The following MAP3K5 variants were observed in gnomAD, a reference collection of about 807,000 sequenced individuals.
The protein encoded by MAP3K5 is mitogen-activated protein kinase kinase kinase 5, also known as ASK-1.
MAP3K5 carries 56 observed loss-of-function variants against 158.7 expected under a neutral mutation model. That is an observed-to-expected ratio of 0.35 (90% CI 0.28 to 0.44). The LOEUF is 0.44. Among genes scored for constraint, MAP3K5 ranks in the 20% least tolerant of loss-of-function variants. MAP3K5 has a pLI of 1.00. For missense variants in MAP3K5, 1,294 were observed against 1,674.8 expected, an observed-to-expected ratio of 0.77 and a Z score of 3.97; for synonymous variants, 579 against 601.7, an observed-to-expected ratio of 0.96 and a Z score of 0.55.
intron 23 of MAP3K5, among the ~76,000 whole-genome samples, chr6:136,591,496 A>G (rs1286727848): frequency 2.0e-5 from 3 of 152,222 alleles, no homozygotes; most frequent in Non-Finnish European, 2.9e-5. Flanking sequence ...ATTTATTTCA[A>G]TGTAGAATAT....
At chr6:136,676,767 C>A (rs1199527694) in intron 7 of MAP3K5, among the ~76,000 whole-genome samples, 2 of 149,668 alleles carry the variant, frequency 1.3e-5, no homozygotes, top group Admixed American at 6.7e-5. Context: ...TGTATTTTAT[C>A]ATTTTGTTAA....
intron 7 of MAP3K5, among the ~76,000 whole-genome samples, chr6:136,684,551 T>C (rs1780064585): frequency 6.6e-6 from 1 of 152,138 alleles, no homozygotes; most frequent in African/African-American, 2.4e-5. Context: ...CTTCCTTGGA[T>C]CATCTCCAGG....
chr6:136,676,586 T>C (rs1779711116), intron 7 of MAP3K5, among the ~76,000 whole-genome samples: 1 of 152,244 alleles, frequency 6.6e-6, no homozygotes, highest in East Asian at 1.9e-4. Context: ...GAGAAATTCC[T>C]TTAATTTACT....
chr6:136,561,890 A>T (rs1830531591), intron 27 of MAP3K5, among the ~76,000 whole-genome samples: 1 of 152,248 alleles, frequency 6.6e-6, no homozygotes, highest in Non-Finnish European at 1.5e-5. Context: ...CTTTCATATC[A>T]ATTTTATGGT....
At chr6:136,598,434 T>C (rs529205993) in intron 21 of MAP3K5, among the ~76,000 whole-genome samples, 10 of 152,350 alleles carry the variant, frequency 6.6e-5, no homozygotes, top group Admixed American at 6.5e-4. Flanking sequence ...TTTTCTCCTA[T>C]AAGGTCAATG....
intron 1 of MAP3K5, among the ~76,000 whole-genome samples, chr6:136,736,316 C>A (rs183575003): frequency 1.4e-4 from 21 of 152,266 alleles, no homozygotes; most frequent in African/African-American, 4.6e-4. Flanking sequence ...AGCTCACTTT[C>A]GACACCTAAT....
At chr6:136,673,255 GC>G (rs2114547599) in intron 7 of MAP3K5, among the ~76,000 whole-genome samples, 1 of 152,258 alleles carries the variant, frequency 6.6e-6, no homozygotes, top group African/African-American at 2.4e-5. Flanking sequence ...GAAGTAATCA[GC>G]TTCTTACCCT....
intron 23 of MAP3K5, among the ~76,000 whole-genome samples, chr6:136,589,184 A>G (rs1301006156): frequency 6.6e-6 from 1 of 152,238 alleles, no homozygotes; most frequent in Non-Finnish European, 1.5e-5. Context: ...GAGAACAGGT[A>G]AACTGTTGTA....
intron 8 of MAP3K5, among the ~76,000 whole-genome samples, chr6:136,664,981 C>T (rs1583376130): frequency 6.6e-6 from 1 of 152,162 alleles, no homozygotes; most frequent in East Asian, 1.9e-4. Context: ...GTACACTTCA[C>T]AGTTATCATA....
chr6:136,695,547 T>C (rs1780567768), intron 6 of MAP3K5, among the ~76,000 whole-genome samples: 1 of 152,240 alleles, frequency 6.6e-6, no homozygotes, highest in African/African-American at 2.4e-5. Context: ...TGGTAATAAC[T>C]ATCTAACACT....
At chr6:136,788,825 C>T (rs958831438) in intron 1 of MAP3K5, among the ~76,000 whole-genome samples, 5 of 152,150 alleles carry the variant, frequency 3.3e-5, no homozygotes, top group African/African-American at 9.7e-5. Flanking sequence ...GTCCTGCCAC[C>T]GTGGAAAGTA....
At chr6:136,684,594 T>G (rs1199219888) in intron 7 of MAP3K5, among the ~76,000 whole-genome samples, 1 of 152,168 alleles carries the variant, frequency 6.6e-6, no homozygotes, top group Non-Finnish European at 1.5e-5. Flanking sequence ...ACTTGATGGC[T>G]GTTTTTTAGG....
chr6:136,605,971 G>A (rs974926323), intron 18 of MAP3K5, among the ~76,000 whole-genome samples: 9 of 152,212 alleles, frequency 5.9e-5, no homozygotes, highest in African/African-American at 1.4e-4. Context: ...TCCTGCTGCT[G>A]TCTGTGGTCC....
At chr6:136,647,697 T>C (rs765834217) in intron 11 of MAP3K5, 9 of 152,260 alleles carry the variant, frequency 5.9e-5, no homozygotes, top group Non-Finnish European at 8.8e-5. Context: ...TTGCTTTCAC[T>C]TTGGTGCCTT....
rs530171388 is a variant in MAP3K5, at chr6:136,596,934, C to T, written c.2878+4088G>A. Among the ~76,000 whole-genome samples the T allele has an allele frequency of 6.6e-5, 10 of 152,240 alleles. No homozygotes were observed. In the South Asian group the frequency reaches 1.7e-3, roughly 25 times the overall value. On this transcript the variant is annotated intron_variant, in intron 21 of 29. Transcript: ENST00000359015. Reference sequence around the variant, plus strand: ...GATATCACAGAGGTTACAAGTTCCTCGAACATAAGCTCATACACGTGAGTG... The same window carrying T: ...GATATCACAGAGGTTACAAGTTCCTTGAACATAAGCTCATACACGTGAGTG...
intron 2 of MAP3K5, among the ~76,000 whole-genome samples, chr6:136,719,231 G>A (rs1781654640): frequency 6.6e-6 from 1 of 151,976 alleles, no homozygotes; most frequent in African/African-American, 2.4e-5. Flanking sequence ...AATGAAAAGA[G>A]CTAAATAAAA....
chr6:136,698,871 G>A (rs561608493), intron 3 of MAP3K5, among the ~76,000 whole-genome samples, 189 bp from the exon 4 acceptor site: 1 of 152,106 alleles, frequency 6.6e-6, no homozygotes, highest in South Asian at 2.1e-4. Flanking sequence ...AAATAATTAG[G>A]ACTTACAGAT....
At chr6:136,564,734 C>T (rs574008687) in intron 26 of MAP3K5, among the ~76,000 whole-genome samples, 10 of 152,248 alleles carry the variant, frequency 6.6e-5, no homozygotes, top group South Asian at 4.1e-4. Flanking sequence ...AGAAGGACTC[C>T]GTACTTGCAT....
chr6:136,725,157 GT>G (rs1363736585), intron 1 of MAP3K5, among the ~76,000 whole-genome samples: 1 of 152,204 alleles, frequency 6.6e-6, no homozygotes, highest in Non-Finnish European at 1.5e-5. Context: ...TTTGAATAAA[GT>G]TGCTATTCAT....
Sources: gnomAD v4.1 joint callset for allele counts (sites outside exome capture counted in the v4.1 genomes callset) on GRCh38, gnomAD v4.1.1 for gene constraint, MANE v1.5 for transcripts, NCBI Gene and HGNC (gene_info 2026-07-23, HGNC 2026-07-21) for gene names.